The following DDO variants were observed in gnomAD, a reference collection of about 807,000 sequenced individuals.
DDO encodes D-aspartate oxidase, DDO.
Under a neutral mutation model 16.8 loss-of-function variants are expected in DDO, and 16 were observed. The ratio of observed to expected loss-of-function variants is 0.95; its 90% CI spans 0.65 to 1.45. DDO has a LOEUF of 1.45. DDO is among the 40% of genes most tolerant of loss of function. The pLI is 0.00. For synonymous variants in DDO, 180 were observed against 167.2 expected (o/e 1.08, Z -0.59); for missense variants, 429 against 420.3 (o/e 1.02, Z -0.18).
At chr6:110,399,530 A>T (rs968865082) in intron 4 of DDO, among the ~76,000 whole-genome samples, 3 of 152,016 alleles carry the variant, frequency 2.0e-5, no homozygotes, top group Non-Finnish European at 4.4e-5. Flanking sequence ...CCTCACCGGG[A>T]CGCGGCCCTC....
chr6:110,398,429 T>TAAACACACCA (rs1222174948), intron 4 of DDO, among the ~76,000 whole-genome samples: 1,694 of 144,844 alleles, frequency 0.012, 42 homozygotes, highest in African/African-American at 0.03. Context: ...CACACACACT[T>TAAACACACCA]GGCCTCCCAG....
chr6:110,401,174 A>T (rs562230756), intron 4 of DDO, among the ~76,000 whole-genome samples: 1 of 152,350 alleles, frequency 6.6e-6, no homozygotes, highest in Admixed American at 6.5e-5. Flanking sequence ...TTAGGAATCT[A>T]GAAATTCTAA....
Position 110,399,319 on chromosome 6 carries a change from G to C in DDO, c.458+5455C>G, listed in dbSNP as rs185933913. 1.7e-3 allele frequency among the ~76,000 whole-genome samples: 261 copies of C among 152,374 alleles called. 2 individuals are homozygous for C. The highest frequency in any genetic ancestry group is 5.8e-3 in the African/African-American group (240 of 41,586). Reference sequence around the variant, plus strand: ...GAATCGTGCTTAAGCTGAAGCCATTGCTGTGTGGCTTGCTGAGCAAATGCT... The same window carrying C: ...GAATCGTGCTTAAGCTGAAGCCATTCCTGTGTGGCTTGCTGAGCAAATGCT... On this transcript the variant is annotated intron_variant, in intron 4 of 4. Coordinates refer to ENST00000368924, the MANE Select transcript of DDO (RefSeq NM_001372108.2).
At chr6:110,388,634 A>C (rs1582463031), downstream of DDO, among the ~76,000 whole-genome samples, 2 of 152,316 alleles carry the variant, frequency 1.3e-5, no homozygotes, top group South Asian at 2.1e-4. Context: ...AAGTTAAAAA[A>C]AAAATCCTAA....
chr6:110,389,437 T>C (rs1199888246), downstream of DDO, among the ~76,000 whole-genome samples: 1 of 152,220 alleles, frequency 6.6e-6, no homozygotes, highest in Non-Finnish European at 1.5e-5. Flanking sequence ...GAACCCTGAC[T>C]AATATACCAG....
chr6:110,395,653 G>C (rs1773266013), intron 4 of DDO, among the ~76,000 whole-genome samples: 1 of 152,100 alleles, frequency 6.6e-6, no homozygotes, highest in African/African-American at 2.4e-5. Context: ...TACTTTCAAG[G>C]CCAGATAAAC....
At chr6:110,405,863 A>T (rs546121483) in intron 3 of DDO, among the ~76,000 whole-genome samples, 1 of 152,018 alleles carries the variant, frequency 6.6e-6, no homozygotes, top group South Asian at 2.1e-4. Context: ...GAATTGGACC[A>T]TTGCGCTCCA....
At chr6:110,412,063 T>C (rs959452496) in intron 2 of DDO, among the ~76,000 whole-genome samples, 8 of 152,130 alleles carry the variant, frequency 5.3e-5, no homozygotes, top group South Asian at 2.1e-4. Flanking sequence ...CTGGTCAACA[T>C]GGCAAAACCT....
downstream of DDO, among the ~76,000 whole-genome samples, chr6:110,391,217 A>G (rs6902281): frequency 0.068 from 10,330 of 152,240 alleles, 1,114 homozygotes; most frequent in African/African-American, 0.24. Context: ...TAGCTGTGCT[A>G]AGAGCTTTCT....
At chr6:110,406,207 A>C (rs986571191) in intron 3 of DDO, among the ~76,000 whole-genome samples, 1 of 152,110 alleles carries the variant, frequency 6.6e-6, no homozygotes, top group African/African-American at 2.4e-5. Flanking sequence ...CTTGAGCTCC[A>C]AAAACAGATC....
At chr6:110,414,388 C>T (rs1773972249) in intron 1 of DDO, among the ~76,000 whole-genome samples, 1 of 152,234 alleles carries the variant, frequency 6.6e-6, no homozygotes, top group Non-Finnish European at 1.5e-5. Context: ...ATCTGTAACA[C>T]AGAACAGATG....
At chr6:110,402,279 T>C (rs1773508541) in intron 4 of DDO, among the ~76,000 whole-genome samples, 1 of 152,348 alleles carries the variant, frequency 6.6e-6, no homozygotes, top group Middle Eastern at 3.4e-3. Context: ...GTCCATAGAT[T>C]ATAGTGTTGT....
intron 3 of DDO, among the ~76,000 whole-genome samples, chr6:110,406,830 T>G (rs547901428): frequency 6.7e-6 from 1 of 149,528 alleles, no homozygotes; most frequent in South Asian, 2.2e-4. Context: ...TGGCTTCTCA[T>G]CACTTCCCAG....
At chr6:110,411,589 C>G (rs919266316) in intron 2 of DDO, among the ~76,000 whole-genome samples, 1 of 151,792 alleles carries the variant, frequency 6.6e-6, no homozygotes, top group Non-Finnish European at 1.5e-5. Flanking sequence ...ATAAAAAATT[C>G]AATAGCAAGG....
At chr6:110,397,151 A>G (rs957340788) in intron 4 of DDO, among the ~76,000 whole-genome samples, 1 of 152,218 alleles carries the variant, frequency 6.6e-6, no homozygotes, top group African/African-American at 2.4e-5. Context: ...AAATGAAATG[A>G]GACACATCTG....
At chr6:110,405,932 A>G (rs1206578425) in intron 3 of DDO, among the ~76,000 whole-genome samples, 1 of 152,190 alleles carries the variant, frequency 6.6e-6, no homozygotes, top group African/African-American at 2.4e-5. Context: ...TCATTGCTCA[A>G]AAATAGCAAG....
Position 110,415,473 on chromosome 6 carries a change from C to T in DDO, c.-11G>A, listed in dbSNP as rs772945598. 34 of 1,614,090 alleles carry T rather than the reference C, an allele frequency of 2.1e-5. 1 individual carries two copies. The South Asian group carries it at 3.4e-4, about 16-fold the overall frequency. Reference sequence around the variant, plus strand: ...AAAGCAAGAATTCAAGTACCTGTCTCTGAAAAAGCAGTCTTGGAAGCCACC... The same window carrying T: ...AAAGCAAGAATTCAAGTACCTGTCTTTGAAAAAGCAGTCTTGGAAGCCACC... On this transcript the variant is annotated 5_prime_UTR_variant, in exon 1 of 5. Transcript: ENST00000368924.
At chr6:110,402,299 A>C (rs1284096020) in intron 4 of DDO, among the ~76,000 whole-genome samples, 1 of 152,242 alleles carries the variant, frequency 6.6e-6, no homozygotes, top group Non-Finnish European at 1.5e-5. Flanking sequence ...TATCAATATA[A>C]TGATATTGAT....
At chr6:110,388,730 A>G (rs1028877535), downstream of DDO, 2 of 912,188 alleles carry the variant, frequency 2.2e-6, no homozygotes, top group African/African-American at 3.6e-5. Context: ...TGGGTCACAG[A>G]CACAGCAGGC....
Sources: gnomAD v4.1 joint callset for allele counts (sites outside exome capture counted in the v4.1 genomes callset) on GRCh38, gnomAD v4.1.1 for gene constraint, MANE v1.5 for transcripts, NCBI Gene and HGNC (gene_info 2026-07-23, HGNC 2026-07-21) for gene names.